COL24A1: variants seen among roughly 807,000 people sequenced by gnomAD.
COL24A1 encodes the protein collagen type XXIV alpha 1 chain.
A neutral mutation model predicts 253.9 loss-of-function variants in COL24A1; 224 were observed. The ratio of observed to expected loss-of-function variants is 0.88; its 90% CI spans 0.79 to 0.99. The LOEUF (loss-of-function observed/expected upper bound fraction) is 0.99, where lower values mean the gene tolerates loss of function less well. Ranked by LOEUF, COL24A1 falls within the 50% of genes least tolerant of loss-of-function variation. The pLI, the probability that COL24A1 is intolerant of heterozygous loss-of-function variation, is 0.00. For synonymous variants in COL24A1, 685 were observed against 673.7 expected (o/e 1.02, Z -0.26); for missense variants, 2,131 against 2,068.5 (o/e 1.03, Z -0.59).
intron 53 of COL24A1, among the ~76,000 whole-genome samples, chr1:85,774,045 A>T (rs543736698): frequency 1.3e-5 from 2 of 152,220 alleles, no homozygotes; most frequent in Admixed American, 1.3e-4. Context: ...GATATGTTCC[A>T]CTGATATCTG....
intron 47 of COL24A1, 25 bp downstream of exon 47, chr1:85,816,763 G>A: frequency 6.4e-7 from 1 of 1,567,802 alleles, no homozygotes; most frequent in Non-Finnish European, 8.8e-7. Context: ...GAAATAATGA[G>A]CAAAGAGATA....
intron 57 of COL24A1, among the ~76,000 whole-genome samples, chr1:85,742,166 C>T (rs1242233555): frequency 2.7e-5 from 4 of 146,034 alleles, no homozygotes; most frequent in African/African-American, 7.5e-5. Flanking sequence ...CAGAGTCTCA[C>T]TCTGTGGCCA....
intron 24 of COL24A1, among the ~76,000 whole-genome samples, chr1:85,917,178 T>A (rs1485534124): frequency 6.6e-6 from 1 of 152,180 alleles, no homozygotes; most frequent in Non-Finnish European, 1.5e-5. Context: ...ACAGCATAAA[T>A]CCTTTTCAAA....
chr1:85,777,458 C>T (rs1296189660), intron 52 of COL24A1, among the ~76,000 whole-genome samples: 1 of 152,006 alleles, frequency 6.6e-6, no homozygotes, highest in East Asian at 1.9e-4. Flanking sequence ...CTTAACAATA[C>T]ATCATGAAAT....
intron 38 of COL24A1, among the ~76,000 whole-genome samples, chr1:85,848,105 G>A (rs1677342047): frequency 6.6e-6 from 1 of 152,024 alleles, no homozygotes; most frequent in African/African-American, 2.4e-5. Flanking sequence ...TAAGCTCTTT[G>A]GAAAGTCTGT....
chr1:85,918,631 A>T (rs1438963994), intron 24 of COL24A1, among the ~76,000 whole-genome samples: 1 of 152,198 alleles, frequency 6.6e-6, no homozygotes, highest in Non-Finnish European at 1.5e-5. Flanking sequence ...GAAACTGTGT[A>T]CACACTTGGA....
intron 42 of COL24A1, 109 bp from the exon 43 acceptor site, chr1:85,838,747 A>G: frequency 2.1e-6 from 2 of 957,440 alleles, no homozygotes; most frequent in Non-Finnish European, 3.2e-6. Context: ...ATATAAAACC[A>G]AATATATGAT....
In COL24A1 at chr1:85,730,327, G is replaced by T; in HGVS notation, c.*219C>A. 2.6e-6 allele frequency: 1 copy of T among 377,836 alleles called. No homozygotes were observed. The highest frequency in any genetic ancestry group is 7.9e-4 in the Middle Eastern group (1 of 1,270). The allele number at this position is 377,836 out of a possible 1,614,324, so 23.4% of individuals were successfully genotyped here. ...GGGAATTCTCTAAGAAAGCTGAGAT[G>T]AATATAATTTTTAAAAGAATTAAAT... On this transcript the variant is annotated 3_prime_UTR_variant, in exon 60 of 60. Coordinates refer to ENST00000370571, the MANE Select transcript of COL24A1 (RefSeq NM_152890.7).
At chr1:85,775,860 G>A (rs1459554365) in intron 52 of COL24A1, 151 bp from the exon 53 acceptor site, 1 of 614,870 alleles carries the variant, frequency 1.6e-6, no homozygotes, top group African/African-American at 1.9e-5. Context: ...AAGTTCTAGT[G>A]TTCTTTTCCT....
chr1:85,918,390 G>T (rs1686116436), intron 24 of COL24A1, among the ~76,000 whole-genome samples: 1 of 152,046 alleles, frequency 6.6e-6, no homozygotes, highest in Non-Finnish European at 1.5e-5. Context: ...GGTTTATGGT[G>T]CCATTCTTGT....
At chr1:85,759,390 A>C (rs1221081898) in intron 55 of COL24A1, among the ~76,000 whole-genome samples, 1 of 152,174 alleles carries the variant, frequency 6.6e-6, no homozygotes, top group Non-Finnish European at 1.5e-5. Context: ...TCTATCTTGT[A>C]GTGTGATGAG....
intron 13 of COL24A1, among the ~76,000 whole-genome samples, chr1:86,032,571 T>C (rs979901750): frequency 2.0e-5 from 3 of 152,170 alleles, no homozygotes; most frequent in African/African-American, 7.2e-5. Flanking sequence ...TTACACTTTA[T>C]AGTCTTTAAG....
chr1:86,127,318 C>T (rs1005006898), intron 2 of COL24A1, among the ~76,000 whole-genome samples: 1 of 151,956 alleles, frequency 6.6e-6, no homozygotes, highest in African/African-American at 2.4e-5. Flanking sequence ...ATTTATTATT[C>T]ATCGTAATAT....
chr1:86,017,013 G>A (rs772351551), intron 19 of COL24A1, 138 bp downstream of exon 19: 56 of 777,390 alleles, frequency 7.2e-5, no homozygotes, highest in Non-Finnish European at 1.1e-4. Flanking sequence ...CAGAAAAAAT[G>A]TAGTCCAAAC....
At chr1:86,107,591 G>A (rs1285367232) in intron 5 of COL24A1, among the ~76,000 whole-genome samples, 1 of 151,744 alleles carries the variant, frequency 6.6e-6, no homozygotes, top group African/African-American at 2.4e-5. Flanking sequence ...CTGGAGTGCA[G>A]TGGCCCGATC....
intron 20 of COL24A1, among the ~76,000 whole-genome samples, chr1:85,973,329 T>A (rs1692357230): frequency 6.6e-6 from 1 of 152,168 alleles, no homozygotes; most frequent in African/African-American, 2.4e-5. Context: ...AATGAATTCA[T>A]AATTTATTAT....
chr1:85,979,984 C>T (rs1353071188), intron 20 of COL24A1, among the ~76,000 whole-genome samples: 1 of 152,154 alleles, frequency 6.6e-6, no homozygotes, highest in African/African-American at 2.4e-5. Flanking sequence ...AAAGATAATA[C>T]ACAATGATCA....
chr1:86,152,518 A>C (rs1197196429), intron 1 of COL24A1, among the ~76,000 whole-genome samples: 1 of 152,178 alleles, frequency 6.6e-6, no homozygotes, highest in African/African-American at 2.4e-5. Context: ...AATATTCCAA[A>C]ATCCAAAAAA....
chr1:85,861,645 C>T (rs1679162498), intron 37 of COL24A1, among the ~76,000 whole-genome samples: 3 of 152,240 alleles, frequency 2.0e-5, no homozygotes, highest in African/African-American at 7.2e-5. Flanking sequence ...GGTGAAAAGA[C>T]CATTCTTTCT....
Sources: allele counts gnomAD v4.1 joint callset (sites outside exome capture counted in the v4.1 genomes callset), GRCh38; gene constraint gnomAD v4.1.1; transcripts MANE v1.5; gene names NCBI Gene and HGNC (gene_info 2026-07-23, HGNC 2026-07-21).